The following VAPB variants were observed in gnomAD, a reference collection of about 807,000 sequenced individuals.
The protein encoded by VAPB is vesicle-associated membrane protein-associated protein B/C.
VAPB carries 7 observed loss-of-function variants against 25.6 expected under a neutral mutation model. The ratio of observed to expected loss-of-function variants is 0.27; its 90% CI spans 0.16 to 0.51. The LOEUF (loss-of-function observed/expected upper bound fraction) is 0.51, where lower values mean the gene tolerates loss of function less well. Among genes scored for constraint, VAPB ranks in the 20% least tolerant of loss-of-function variants. The probability of loss-of-function intolerance (pLI) is 0.97; values close to 1 mark genes in which losing one functional copy is unlikely to be tolerated. For missense variants in VAPB, 266 were observed against 301.3 expected (o/e 0.88, Z 0.87); for synonymous variants, 112 against 109.2 (o/e 1.03, Z -0.16).
chr20:58,423,428 AAAAAAAAAAAAAAAAAAAAAAG>A (rs1988714861), intron 2 of VAPB, among the ~76,000 whole-genome samples: 1 of 146,930 alleles, frequency 6.8e-6, no homozygotes, highest in Non-Finnish European at 1.5e-5. Context: ...AAAAAAAAAA[AAAAAAAAAAAAAAAAAAAAAAG>A]AAAAGAAAAA....
Position 58,434,758 on chromosome 20 carries a change from A to G in VAPB, c.315+53A>G, listed in dbSNP as rs187734374. The G allele has an allele frequency of 1.3e-4, 114 of 896,058 alleles. 1 individual carries two copies. In the East Asian group the frequency reaches 2.7e-3, roughly 21 times the overall value. The allele number at this position is 896,058 out of a possible 1,614,324, so 55.5% of individuals were successfully genotyped here. On this transcript the variant is annotated intron_variant, in intron 3 of 5. Transcript: ENST00000475243. ...TCAGTAACAATAATTTAAAAAACCA[A>G]TTAGATATGGAATTGTGGGTGCATG...
intron 5 of VAPB, among the ~76,000 whole-genome samples, chr20:58,441,629 T>G (rs577939663): frequency 1.4e-3 from 207 of 152,280 alleles, no homozygotes; most frequent in South Asian, 3.5e-3. Flanking sequence ...GTGACAGAGC[T>G]AGACTTCGTC....
chr20:58,416,892 T>G (rs1179708504), intron 1 of VAPB, among the ~76,000 whole-genome samples: 3 of 152,226 alleles, frequency 2.0e-5, no homozygotes, highest in Non-Finnish European at 4.4e-5. Context: ...ATCTTTATTC[T>G]ATGCCAGCCA....
chr20:58,398,544 C>T (rs1988017922), intron 1 of VAPB, among the ~76,000 whole-genome samples: 1 of 146,804 alleles, frequency 6.8e-6, no homozygotes, highest in Non-Finnish European at 1.5e-5. Context: ...TTTCCAGCCT[C>T]TAGGTATTGG....
intron 5 of VAPB, among the ~76,000 whole-genome samples, chr20:58,442,772 AAT>A (rs1989191261): frequency 6.6e-6 from 1 of 152,238 alleles, no homozygotes; most frequent in Non-Finnish European, 1.5e-5. Flanking sequence ...CAGTGTGATC[AAT>A]GTCCCACAGA....
chr20:58,414,279 C>T (rs1266146009), intron 1 of VAPB, among the ~76,000 whole-genome samples: 1 of 145,118 alleles, frequency 6.9e-6, no homozygotes, highest in Non-Finnish European at 1.5e-5. Context: ...GGGGCTGACC[C>T]CCCCACCTCC....
rs1360556062 is a variant in VAPB at position 58,445,244 on chromosome 20, T to A, written c.*1009T>A. On this transcript the variant is annotated 3_prime_UTR_variant, in exon 6 of 6. Coordinates refer to ENST00000475243, the MANE Select transcript of VAPB (RefSeq NM_004738.5). ...ATGAAGAGTAGTCAGTCTTCTAGAT[T>A]GTTCTTATACCACCTCTCAACCATT... is the stretch of plus-strand genomic sequence containing the variant. 1 of 454,176 alleles carries A rather than the reference T, an allele frequency of 2.2e-6. No individual in the cohort carries two copies. The highest frequency in any genetic ancestry group is 2.3e-5 in the Admixed American group (1 of 42,574). 28.1% of individuals were successfully genotyped at this position (454,176 alleles called of 1,614,324 possible).
chr20:58,398,368 C>G (rs1988013477), intron 1 of VAPB, among the ~76,000 whole-genome samples: 1 of 152,110 alleles, frequency 6.6e-6, no homozygotes, highest in African/African-American at 2.4e-5. Flanking sequence ...GGGTTTCTGC[C>G]CTTTGCAGAT....
chr20:58,398,155 A>C (rs917621572), intron 1 of VAPB, among the ~76,000 whole-genome samples: 2 of 152,234 alleles, frequency 1.3e-5, no homozygotes, highest in Admixed American at 6.5e-5. Flanking sequence ...CAGTTGCACA[A>C]AGTCATCTAG....
rs752264392 is a variant in VAPB at position 58,447,830 on chromosome 20, A to G, written c.*3595A>G. 2.2e-6 allele frequency: 1 copy of G among 454,102 alleles called. No individual in the cohort carries two copies. The highest frequency in any genetic ancestry group is 1.6e-5 in the South Asian group (1 of 64,476). 28.1% of individuals were successfully genotyped at this position (454,102 alleles called of 1,614,324 possible). ...CATTTTCAGCTCCTTCTCTAAAGGA[A>G]TGGCCCATTTCTCATTGTAGTTTGA... On this transcript the variant is annotated 3_prime_UTR_variant, in exon 6 of 6. Transcript: ENST00000475243.
Position 58,395,793 on chromosome 20 carries a change from C to T in VAPB, c.58+6276C>T, listed in dbSNP as rs141497111. 5.2e-3 allele frequency among the ~76,000 whole-genome samples: 798 copies of T among 152,158 alleles called. 7 individuals carry two copies. Among genetic ancestry groups the T allele is most frequent in the African/African-American group, 0.018 (747 of 41,512 alleles). On this transcript the variant is annotated intron_variant, in intron 1 of 5. Transcript: ENST00000475243. The stretch of plus-strand genomic sequence containing the variant: ...GCCTTGCTCAGTGGGTATGTGCGTT[C>T]TTTGAAGTTCTTACCTGACAGATGT...
intron 4 of VAPB, chr20:58,440,098 C>T (rs954701969): frequency 6.6e-6 from 1 of 152,016 alleles, no homozygotes; most frequent in Non-Finnish European, 1.5e-5. Context: ...GTCATTTTTT[C>T]CCTCTTCCCA....
chr20:58,391,199 A>G (rs1342914697), intron 1 of VAPB, among the ~76,000 whole-genome samples: 1 of 152,098 alleles, frequency 6.6e-6, no homozygotes, highest in Non-Finnish European at 1.5e-5. Flanking sequence ...GTCCACAAAC[A>G]TTTACTGAGT....
chr20:58,402,360 C>T (rs529809526), intron 1 of VAPB, among the ~76,000 whole-genome samples: 7 of 152,186 alleles, frequency 4.6e-5, no homozygotes, highest in African/African-American at 1.7e-4. Flanking sequence ...TTAGTTGATT[C>T]CTTTTCCTCT....
rs143395644 is a variant in VAPB at position 58,449,097 on chromosome 20, A to G, written c.*4862A>G. On this transcript the variant is annotated 3_prime_UTR_variant, in exon 6 of 6. Coordinates refer to ENST00000475243, the MANE Select transcript of VAPB (RefSeq NM_004738.5). ...AGGGCAAGTAATAGAAGCCCCTGAT[A>G]AGGAGCGTCAGCCGACAGGCAAGCT... 3.9e-4 allele frequency: 176 copies of G among 454,108 alleles called. 1 individual carries two copies. Among genetic ancestry groups the G allele is most frequent in the Middle Eastern group, 1.4e-3 (2 of 1,444 alleles). 28.1% of individuals were successfully genotyped at this position (454,108 alleles called of 1,614,324 possible). A position where few individuals can be genotyped will look rare whatever the true frequency, so the allele number is the denominator to read the frequency against.
chr20:58,430,558 C>T (rs1988904784), intron 2 of VAPB, among the ~76,000 whole-genome samples: 1 of 151,794 alleles, frequency 6.6e-6, no homozygotes, highest in Non-Finnish European at 1.5e-5. Context: ...CTGTGCCTGG[C>T]CTGCAAATTT....
intron 2 of VAPB, among the ~76,000 whole-genome samples, chr20:58,419,122 A>T (rs2123060334): frequency 6.6e-6 from 1 of 152,330 alleles, no homozygotes; most frequent in African/African-American, 2.4e-5. Flanking sequence ...GTGTGTATTT[A>T]TCTTGTAAAT....
intron 1 of VAPB, among the ~76,000 whole-genome samples, chr20:58,404,343 C>T (rs1236310771): frequency 6.6e-6 from 1 of 152,136 alleles, no homozygotes; most frequent in African/African-American, 2.4e-5. Context: ...TTGATGCCCC[C>T]AGAAGCCCCT....
At position 58,440,917 on chromosome 20, in the gene VAPB, A is replaced by G; in HGVS notation, c.407A>G (p.Glu136Gly). The change falls in exon 5 of 6, where the codon GAA becomes GGA. Residue 136 changes from glutamate (E) to glycine (G), a missense_variant. Transcript: ENST00000475243. ...PAENDKPHDV[E>G]INKIISTTAS... ...TTTGTTTTTGAACAGCATGATGTAG[A>G]AATAAATAAAATTATATCCACAACT... is the stretch of plus-strand genomic sequence containing the variant. The G allele has an allele frequency of 6.2e-7, 1 of 1,613,596 alleles. No individual in the cohort carries two copies. Among genetic ancestry groups the G allele is most frequent in the East Asian group, 2.2e-5 (1 of 44,838 alleles).
Sources: allele counts gnomAD v4.1 joint callset (sites outside exome capture counted in the v4.1 genomes callset), GRCh38; gene constraint gnomAD v4.1.1; transcripts MANE v1.5; gene names NCBI Gene and HGNC (gene_info 2026-07-23, HGNC 2026-07-21).